Variants in PCDH15 observed in about 807,000 individuals in gnomAD.
PCDH15 encodes protocadherin-15.
PCDH15 carries 129 observed loss-of-function variants against 178.5 expected under a neutral mutation model. That is an observed-to-expected ratio of 0.72 (90% CI 0.63 to 0.84). PCDH15 has a LOEUF of 0.84. PCDH15 is among the 40% of genes least tolerant of loss of function. The pLI is 0.00. For synonymous variants in PCDH15, 800 were observed against 732.0 expected, an observed-to-expected ratio of 1.09 and a Z score of -1.50; for missense variants, 2,230 against 2,099.9, an observed-to-expected ratio of 1.06 and a Z score of -1.21.
chr10:53,928,494 G>T (rs1397732456), intron 25 of PCDH15, among the ~76,000 whole-genome samples: 2 of 151,958 alleles, frequency 1.3e-5, no homozygotes, highest in Non-Finnish European at 2.9e-5. Flanking sequence ...AATCAATAAT[G>T]AAGAATTAAT....
chr10:53,956,937 T>A (rs554260115), intron 23 of PCDH15, among the ~76,000 whole-genome samples: 2 of 152,324 alleles, frequency 1.3e-5, no homozygotes, highest in South Asian at 4.1e-4. Flanking sequence ...GAACAACACA[T>A]TCGCATTTTT....
intron 2 of PCDH15, among the ~76,000 whole-genome samples, chr10:55,136,762 A>G (rs955976401): frequency 2.0e-5 from 3 of 152,180 alleles, no homozygotes; most frequent in Non-Finnish European, 4.4e-5. Flanking sequence ...ATATAATACA[A>G]TGCTTCAAAT....
At chr10:55,517,831 C>G (rs1480674838) in intron 2 of PCDH15, among the ~76,000 whole-genome samples, 1 of 152,158 alleles carries the variant, frequency 6.6e-6, no homozygotes, top group African/African-American at 2.4e-5. Flanking sequence ...ACTATTAATA[C>G]TGACAAACAT....
chr10:54,343,155 G>T (rs1400649239), intron 6 of PCDH15, among the ~76,000 whole-genome samples: 2 of 152,108 alleles, frequency 1.3e-5, no homozygotes, highest in African/African-American at 4.8e-5. Context: ...GCCATGGTTG[G>T]AATTATATGG....
At chr10:54,989,159 C>T (rs556907323) in intron 2 of PCDH15, among the ~76,000 whole-genome samples, 164 of 152,278 alleles carry the variant, frequency 1.1e-3, no homozygotes, top group African/African-American at 3.6e-3. Flanking sequence ...GAACCTCTGC[C>T]GAGATTTCAG....
At chr10:54,505,886 C>T (rs2081126624) in intron 3 of PCDH15, among the ~76,000 whole-genome samples, 1 of 152,020 alleles carries the variant, frequency 6.6e-6, no homozygotes, top group Non-Finnish European at 1.5e-5. Context: ...AACTAAGATA[C>T]AACAAATAAA....
rs727504573 is a variant in PCDH15, at chr10:54,020,405, G to A, written c.2538C>T (p.Val846=). 71 of 1,613,504 alleles carry A rather than the reference G, an allele frequency of 4.4e-5. No homozygotes were observed. Among genetic ancestry groups the A allele is most frequent in the Admixed American group, 5.0e-5 (3 of 59,956 alleles). ...TTILQIEAKD[V]DLGANVSYRI... is the part of the protein sequence containing the mutation. ...GGTAAGACACATTTGCTCCAAGGTC[G>A]ACATCTTTGGCCTGTAATAAGCAGA... The change falls in exon 20 of 38, where the codon GTC becomes GTT. Residue 846 remains valine, a synonymous_variant. Coordinates refer to ENST00000644397, the MANE Select transcript of PCDH15 (RefSeq NM_001384140.1).
At chr10:55,202,718 C>T (rs1222272095) in intron 1 of PCDH15, among the ~76,000 whole-genome samples, 1 of 152,082 alleles carries the variant, frequency 6.6e-6, no homozygotes, top group Non-Finnish European at 1.5e-5. Context: ...AGGGAGGGAC[C>T]TAGTGGGATA....
chr10:55,065,263 T>G (rs1841533704), intron 2 of PCDH15, among the ~76,000 whole-genome samples: 1 of 152,092 alleles, frequency 6.6e-6, no homozygotes, highest in Admixed American at 6.6e-5. Flanking sequence ...CCCATTCTTA[T>G]CCTCTAGCAC....
intron 3 of PCDH15, among the ~76,000 whole-genome samples, chr10:54,426,831 C>T (rs905336812): frequency 1.3e-5 from 2 of 151,790 alleles, no homozygotes; most frequent in Non-Finnish European, 2.9e-5. Context: ...CAAAATCTAT[C>T]TACTTTTAAA....
At chr10:54,807,659 A>G (rs1216271944) in intron 3 of PCDH15, among the ~76,000 whole-genome samples, 1 of 149,300 alleles carries the variant, frequency 6.7e-6, no homozygotes, top group Non-Finnish European at 1.5e-5. Context: ...CTATTACTAC[A>G]TACAAGGTTT....
intron 2 of PCDH15, among the ~76,000 whole-genome samples, chr10:55,105,069 C>T (rs1842643824): frequency 6.6e-6 from 1 of 152,148 alleles, no homozygotes; most frequent in African/African-American, 2.4e-5. Flanking sequence ...CTTAATGCTG[C>T]ATTTTTATGT....
chr10:54,023,188 G>T lies in PCDH15; in HGVS notation c.2230C>A (p.Pro744Thr). Reference sequence around the variant, plus strand: ...ACTTGACCATTTATTCCAGCATCAGGGTCTGTTGCCTATTAAATAAAACAA... The same window carrying T: ...ACTTGACCATTTATTCCAGCATCAGTGTCTGTTGCCTATTAAATAAAACAA... ...AFVGQVKATD[P>T]DAGINGQVHY... Residue 744 changes from proline to threonine, a missense_variant, in exon 19 of 38, where the codon CCT becomes ACT. Transcript: ENST00000644397. 1 of 1,612,914 alleles carries T rather than the reference G, an allele frequency of 6.2e-7. No individual in the cohort carries two copies. The highest frequency in any genetic ancestry group is 8.5e-7 in the Non-Finnish European group (1 of 1,179,700).
chr10:54,842,360 C>A (rs1019416564), intron 3 of PCDH15, among the ~76,000 whole-genome samples: 4 of 151,826 alleles, frequency 2.6e-5, no homozygotes, highest in African/African-American at 9.7e-5. Flanking sequence ...TCCCTCAAAT[C>A]ATTTCCTCTG....
At chr10:54,140,312 G>A (rs2043276104) in intron 14 of PCDH15, among the ~76,000 whole-genome samples, 2 of 152,100 alleles carry the variant, frequency 1.3e-5, no homozygotes, top group Admixed American at 6.6e-5. Context: ...TACAGAAAAT[G>A]TATAGTGGTA....
chr10:54,408,927 C>T (rs1004427759), intron 3 of PCDH15, among the ~76,000 whole-genome samples: 2 of 152,016 alleles, frequency 1.3e-5, no homozygotes, highest in African/African-American at 4.8e-5. Flanking sequence ...TGGCTATGTC[C>T]CCACTAAAAT....
At chr10:55,552,232 C>A (rs1842016246) in intron 2 of PCDH15, among the ~76,000 whole-genome samples, 1 of 151,488 alleles carries the variant, frequency 6.6e-6, no homozygotes, top group Non-Finnish European at 1.5e-5. Flanking sequence ...TTTTTCTAAT[C>A]ATTTAATAGA....
chr10:54,959,034 A>T (rs1838572113), intron 2 of PCDH15, among the ~76,000 whole-genome samples: 1 of 151,810 alleles, frequency 6.6e-6, no homozygotes, highest in Non-Finnish European at 1.5e-5. Flanking sequence ...GAAGAGTTGA[A>T]TGGGAAAACT....
intron 26 of PCDH15, among the ~76,000 whole-genome samples, chr10:53,868,999 G>A (rs1053153658): frequency 3.3e-5 from 5 of 151,994 alleles, no homozygotes; most frequent in Admixed American, 1.3e-4. Flanking sequence ...GTAGACACAG[G>A]GTCTCGCTAT....
Sources: gnomAD v4.1 joint callset for allele counts (sites outside exome capture counted in the v4.1 genomes callset) on GRCh38, gnomAD v4.1.1 for gene constraint, MANE v1.5 for transcripts, NCBI Gene and HGNC (gene_info 2026-07-23, HGNC 2026-07-21) for gene names.